The following CBX1 variants were observed in gnomAD, a reference collection of about 807,000 sequenced individuals.
CBX1 encodes chromobox protein homolog 1.
CBX1 carries 10 observed loss-of-function variants against 25.1 expected under a neutral mutation model. That is an observed-to-expected ratio of 0.40 (90% CI 0.25 to 0.68). CBX1 has a LOEUF of 0.68. CBX1 is among the 30% of genes least tolerant of loss of function. CBX1 has a pLI of 0.40. For synonymous variants in CBX1, 63 were observed against 79.4 expected (o/e 0.79, Z 1.10); for missense variants, 106 against 218.5 (o/e 0.49, Z 3.25).
intron 1 of CBX1, chr17:48,088,698 G>A (rs529556253): frequency 6.6e-6 from 1 of 152,012 alleles, no homozygotes; most frequent in Non-Finnish European, 1.5e-5. Context: ...ACTGCTTCAT[G>A]AATTTGTGTG....
rs369599130 is a variant in CBX1, at chr17:48,077,016, G to C, written c.-12C>G. 2.4e-5 allele frequency: 38 copies of C among 1,611,056 alleles called. No individual in the cohort carries two copies. The highest frequency in any genetic ancestry group is 3.0e-5 in the Non-Finnish European group (35 of 1,178,766). On this transcript the variant is annotated 5_prime_UTR_variant, in exon 2 of 5. Coordinates refer to ENST00000225603, the MANE Select transcript of CBX1 (RefSeq NM_001127228.2). ...TGTTTTTTCCCCATAGTGCCCGCCAGCTTTCTGGTGTAAAGGGTGACGCTG... is the reference window on the plus strand; with the variant it reads ...TGTTTTTTCCCCATAGTGCCCGCCACCTTTCTGGTGTAAAGGGTGACGCTG...
At chr17:48,084,197 CTTT>C (rs2037764424) in intron 1 of CBX1, among the ~76,000 whole-genome samples, 3 of 98,446 alleles carry the variant, frequency 3.0e-5, no homozygotes, top group Admixed American at 1.1e-4. Context: ...GCTTCTCTTT[CTTT>C]CCTTTTTTTT....
chr17:48,083,177 T>C (rs886974178), intron 1 of CBX1, among the ~76,000 whole-genome samples: 1 of 149,888 alleles, frequency 6.7e-6, no homozygotes, highest in African/African-American at 2.5e-5. Context: ...AATTTTTATT[T>C]ATTTATTTAT....
At chr17:48,091,316 C>T (rs1455946271) in intron 1 of CBX1, among the ~76,000 whole-genome samples, 3 of 151,754 alleles carry the variant, frequency 2.0e-5, no homozygotes, top group East Asian at 3.9e-4. Flanking sequence ...TCTTTTAACC[C>T]GTTTAGGTTG....
chr17:48,077,985 C>CGACA (rs796743465), intron 1 of CBX1, among the ~76,000 whole-genome samples: 11 of 152,168 alleles, frequency 7.2e-5, no homozygotes, highest in African/African-American at 2.4e-4. Context: ...GAGACCCTGT[C>CGACA]CCTACTAAAA....
chr17:48,087,884 A>T (rs190255257), intron 1 of CBX1, among the ~76,000 whole-genome samples: 2,730 of 151,832 alleles, frequency 0.018, 34 homozygotes, highest in Non-Finnish European at 0.029. Context: ...AAAAAAAAAA[A>T]AAAAAAGAAA....
intron 1 of CBX1, among the ~76,000 whole-genome samples, chr17:48,086,094 A>G (rs987474736): frequency 2.6e-5 from 4 of 152,148 alleles, no homozygotes; most frequent in Non-Finnish European, 4.4e-5. Context: ...ACAAAACAAA[A>G]AAAACCCAAA....
At chr17:48,077,509 C>T (rs1039104398) in intron 1 of CBX1, among the ~76,000 whole-genome samples, 10 of 144,458 alleles carry the variant, frequency 6.9e-5, no homozygotes, top group African/African-American at 2.1e-4. Flanking sequence ...AGGTTGGTCT[C>T]GAACTCCTGA....
At chr17:48,078,681 G>A (rs933622133) in intron 1 of CBX1, among the ~76,000 whole-genome samples, 7 of 151,518 alleles carry the variant, frequency 4.6e-5, no homozygotes, top group Non-Finnish European at 1.0e-4. Flanking sequence ...GAAGAGACGG[G>A]GTTTAACCAC....
chr17:48,090,237 A>G (rs539427981), intron 1 of CBX1, among the ~76,000 whole-genome samples: 8 of 152,128 alleles, frequency 5.3e-5, no homozygotes, highest in Non-Finnish European at 8.8e-5. Context: ...CTGATGACCT[A>G]TGTAAGTACA....
At chr17:48,094,876 A>G (rs891711111) in intron 1 of CBX1, among the ~76,000 whole-genome samples, 4 of 151,742 alleles carry the variant, frequency 2.6e-5, no homozygotes, top group South Asian at 2.1e-4. Flanking sequence ...GTGACACCCC[A>G]TATCTACTAA....
chr17:48,080,954 A>ATG (rs2037730278), intron 1 of CBX1, among the ~76,000 whole-genome samples: 4 of 18,526 alleles, frequency 2.2e-4, no homozygotes, highest in Admixed American at 7.3e-4. Flanking sequence ...AAAAAAAAAT[A>ATG]TATATATATA....
intron 1 of CBX1, among the ~76,000 whole-genome samples, chr17:48,087,586 A>G (rs965647859): frequency 6.6e-6 from 1 of 152,000 alleles, no homozygotes; most frequent in African/African-American, 2.4e-5. Flanking sequence ...AAAAAATTTA[A>G]AAAAAGGCTG....
intron 1 of CBX1, among the ~76,000 whole-genome samples, chr17:48,093,459 C>T (rs545430133): frequency 1.1e-4 from 16 of 152,130 alleles, no homozygotes; most frequent in African/African-American, 2.9e-4. Context: ...GAAGAACTGG[C>T]GAGGGCATCA....
In CBX1 at chr17:48,073,468, C is replaced by A. The variant is rs187584276; in HGVS notation, c.413+1538G>T. Among the ~76,000 whole-genome samples the A allele has an allele frequency of 2.0e-5, 3 of 152,300 alleles. No homozygotes were observed. The East Asian group carries it at 5.8e-4, about 29-fold the overall frequency. ...TTAGAAATATACAAAAATCTCTATT[C>A]TCCAGTAAAATAACTTTTTAAAATG... On this transcript the variant is annotated intron_variant, in intron 4 of 4. Transcript: ENST00000225603.
intron 1 of CBX1, among the ~76,000 whole-genome samples, chr17:48,080,951 A>AAAAAAT (rs1567765514): frequency 3.0e-5 from 1 of 33,274 alleles, no homozygotes; most frequent in African/African-American, 1.1e-4. Context: ...AAAAAAAAAA[A>AAAAAAT]ATATATATAT....
chr17:48,077,430 GTTGTTTTTTTT>G (rs1567764306), intron 1 of CBX1, among the ~76,000 whole-genome samples: 699 of 56,444 alleles, frequency 0.012, 4 homozygotes, highest in Non-Finnish European at 0.016. Flanking sequence ...GCTAATTTTT[GTTGTTTTTTTT>G]TTTGTTTTTT....
intron 1 of CBX1, among the ~76,000 whole-genome samples, chr17:48,089,322 C>G (rs2063330392): frequency 6.6e-6 from 1 of 150,812 alleles, no homozygotes; most frequent in Non-Finnish European, 1.5e-5. Flanking sequence ...AGGATGGTCT[C>G]TATCTCCTGA....
In CBX1 at chr17:48,077,430, G is replaced by GTTGTTTTTTTT. The variant is rs1567764306; in HGVS notation, c.-37-400_-37-390dup. ...GTGCCACCAAGCCCAGCTAATTTTTGTTGTTTTTTTTTTTGTTTTTTTTGT... is the reference window on the plus strand; with the variant it reads ...GTGCCACCAAGCCCAGCTAATTTTTGTTGTTTTTTTTTTGTTTTTTTTTTTGTTTTTTTTGT... On this transcript the variant is annotated intron_variant, in intron 1 of 4. Coordinates refer to ENST00000225603, the MANE Select transcript of CBX1 (RefSeq NM_001127228.2). Among the ~76,000 whole-genome samples, 4 of 56,452 alleles carry GTTGTTTTTTTT rather than the reference G, an allele frequency of 7.1e-5. 2 individuals carry two copies. Among genetic ancestry groups the GTTGTTTTTTTT allele is most frequent in the Non-Finnish European group, 1.3e-4 (4 of 29,962 alleles). 37.0% of individuals were successfully genotyped at this position (56,452 alleles called of 152,430 possible).
Sources: gnomAD v4.1 joint callset for allele counts (sites outside exome capture counted in the v4.1 genomes callset) on GRCh38, gnomAD v4.1.1 for gene constraint, MANE v1.5 for transcripts, NCBI Gene and HGNC (gene_info 2026-07-23, HGNC 2026-07-21) for gene names.